The following CCDC15 variants were observed in gnomAD, a reference collection of about 807,000 sequenced individuals.
CCDC15 encodes the protein coiled-coil domain-containing protein 15.
Under a neutral mutation model 114.5 loss-of-function variants are expected in CCDC15, and 105 were observed. The ratio of observed to expected loss-of-function variants is 0.92; its 90% CI spans 0.78 to 1.08. The LOEUF is 1.08. CCDC15 is among the 50% of genes least tolerant of loss of function. The probability of loss-of-function intolerance (pLI) is 0.00; values close to 1 mark genes in which losing one functional copy is unlikely to be tolerated. For synonymous variants in CCDC15, 334 were observed against 377.8 expected, an observed-to-expected ratio of 0.88 and a Z score of 1.34; for missense variants, 1,105 against 1,093.6, an observed-to-expected ratio of 1.01 and a Z score of -0.15.
At chr11:125,036,387 TA>T (rs1174915977) in intron 13 of CCDC15, among the ~76,000 whole-genome samples, 8 of 38,936 alleles carry the variant, frequency 2.1e-4, no homozygotes, top group African/African-American at 6.1e-4. Context: ...TTTCTTTTCC[TA>T]CTTTTAGAAT....
rs199841007 is a variant in CCDC15, at chr11:124,987,974, A to G, written c.1748A>G (p.Gln583Arg). The change falls in exon 8 of 16, where the codon CAG becomes CGG. Residue 583 changes from glutamine to arginine, a missense_variant. Physicochemically the swap from Gln to Arg is conservative, Grantham distance 43. Transcript: ENST00000344762. Reference sequence around the variant, plus strand: ...AATATTCTACCCATATGTCAGGACCAGGATTTTCTACCCAGAGACCAAGGT... The same window carrying G: ...AATATTCTACCCATATGTCAGGACCGGGATTTTCTACCCAGAGACCAAGGT... The part of the protein sequence containing the change: ...DQNILPICQD[Q>R]DFLPRDQGYL... The G allele has an allele frequency of 4.3e-5, 69 of 1,613,930 alleles. No individual in the cohort carries two copies. In the African/African-American group the frequency reaches 8.5e-4, roughly 20 times the overall value.
At chr11:124,976,483 CT>C (rs1947975545) in intron 5 of CCDC15, among the ~76,000 whole-genome samples, 1 of 151,972 alleles carries the variant, frequency 6.6e-6, no homozygotes, top group Non-Finnish European at 1.5e-5. Flanking sequence ...CTCAGAGTTT[CT>C]TTTGTACCTA....
At chr11:125,000,535 A>C (rs1948462245) in intron 11 of CCDC15, among the ~76,000 whole-genome samples, 1 of 152,190 alleles carries the variant, frequency 6.6e-6, no homozygotes, top group Admixed American at 6.5e-5. Flanking sequence ...AGAGCAAGAG[A>C]GAGAGCCCAT....
At chr11:124,982,887 C>T (rs893515671) in intron 6 of CCDC15, among the ~76,000 whole-genome samples, 7 of 152,196 alleles carry the variant, frequency 4.6e-5, no homozygotes, top group Non-Finnish European at 8.8e-5. Flanking sequence ...ATATGAAATA[C>T]ATTTTGCAAG....
At chr11:124,997,914 C>G (rs1948403399) in intron 11 of CCDC15, among the ~76,000 whole-genome samples, 1 of 152,110 alleles carries the variant, frequency 6.6e-6, no homozygotes, top group Non-Finnish European at 1.5e-5. Flanking sequence ...TACACTCCAG[C>G]CTGGGTGACA....
rs751598331 is a variant in CCDC15, at chr11:125,005,099, T to C, written c.2308-10T>C. 1.2e-5 allele frequency: 16 copies of C among 1,310,746 alleles called. No homozygotes were observed. In the South Asian group the frequency reaches 2.1e-4, roughly 17 times the overall value. 81.2% of individuals were successfully genotyped at this position (1,310,746 alleles called of 1,614,324 possible). On this transcript the variant is annotated splice_polypyrimidine_tract_variant and intron_variant, in intron 12 of 15. Coordinates refer to ENST00000344762, the MANE Select transcript of CCDC15 (RefSeq NM_025004.3). ...GCAGAATCTTAGTAATTTTAACTTCTTACCTTTAGCGTCAAAAGCAGTACC... is the reference window on the plus strand; with the variant it reads ...GCAGAATCTTAGTAATTTTAACTTCCTACCTTTAGCGTCAAAAGCAGTACC...
chr11:124,960,228 A>C (rs1947636377), intron 4 of CCDC15, among the ~76,000 whole-genome samples: 1 of 150,954 alleles, frequency 6.6e-6, no homozygotes, highest in Non-Finnish European at 1.5e-5. Context: ...TTGGTAAGAT[A>C]CTCTAAAATT....
intron 4 of CCDC15, among the ~76,000 whole-genome samples, chr11:124,962,188 G>A (rs139200546): frequency 1.6e-4 from 24 of 152,226 alleles, no homozygotes; most frequent in Non-Finnish European, 2.9e-4. Context: ...AGATGTCACC[G>A]TGAAACTAGA....
chr11:124,965,069 C>T lies in CCDC15; in HGVS notation c.516+5066C>T, dbSNP rs573229502. On this transcript the variant is annotated intron_variant, in intron 4 of 15. Coordinates refer to ENST00000344762, the MANE Select transcript of CCDC15 (RefSeq NM_025004.3). ...AGTATTTTATTGAAGATTTTTGCAT[C>T]GATGTTCATCAGGGATATTGGTCTA... is the stretch of plus-strand genomic sequence containing the variant. 8.6e-5 allele frequency among the ~76,000 whole-genome samples: 13 copies of T among 152,008 alleles called. 1 individual carries two copies. In the South Asian group the frequency reaches 2.3e-3, roughly 27 times the overall value.
At chr11:124,954,467 C>A (rs139328716) in intron 1 of CCDC15, 97 bp downstream of exon 1, 15 of 319,924 alleles carry the variant, frequency 4.7e-5, no homozygotes, top group African/African-American at 3.2e-4. Flanking sequence ...TTCTCTCATT[C>A]CCATCCTTTC....
chr11:124,987,129 AG>A lies in CCDC15; in HGVS notation c.904del (p.Val302Ter). On this transcript the variant is annotated frameshift_variant, in exon 8 of 16. Transcript: ENST00000344762. LOFTEE classifies it high-confidence loss of function. The stretch of plus-strand genomic sequence containing the variant: ...TTGGTGTTTATGTTCACTTTTAGAA[AG>A]TAAAATTCAAAAATCCATTATTTGT... ...KNKPFSRVQKVKFKNPLFVLM... is the reference protein window; with the variant it reads ...KNKPFSRVQKXKFKNPLFVLM... The A allele has an allele frequency of 6.6e-7, 1 of 1,505,926 alleles. No homozygotes were observed. The highest frequency in any genetic ancestry group is 1.8e-4 in the Middle Eastern group (1 of 5,578). 93.3% of individuals were successfully genotyped at this position (1,505,926 alleles called of 1,614,324 possible).
At chr11:125,031,807 G>A (rs1235858368) in intron 13 of CCDC15, among the ~76,000 whole-genome samples, 1 of 152,198 alleles carries the variant, frequency 6.6e-6, no homozygotes, top group African/African-American at 2.4e-5. Flanking sequence ...CTGTTGTAGA[G>A]CCTTCTCCTG....
At position 124,965,755 on chromosome 11, in the gene CCDC15, C is replaced by T. The variant is rs1422554491; in HGVS notation, c.516+5752C>T. The stretch of plus-strand genomic sequence containing the variant: ...GTTAGGGTGACGATTTTAGATCTTT[C>T]CTGCTTTTTCTTGTGGGCATTTAGT... On this transcript the variant is annotated intron_variant, in intron 4 of 15. Coordinates refer to ENST00000344762, the MANE Select transcript of CCDC15 (RefSeq NM_025004.3). Among the ~76,000 whole-genome samples the T allele has an allele frequency of 2.0e-5, 3 of 152,156 alleles. No individual in the cohort carries two copies. The East Asian group carries it at 5.8e-4, about 29-fold the overall frequency.
intron 4 of CCDC15, among the ~76,000 whole-genome samples, chr11:124,962,824 G>GGT (rs968243780): frequency 2.0e-5 from 3 of 152,176 alleles, no homozygotes; most frequent in African/African-American, 7.2e-5. Context: ...GACAGGCCCT[G>GGT]GTGTGTGATG....
At chr11:124,968,106 G>A (rs913657887) in intron 4 of CCDC15, among the ~76,000 whole-genome samples, 3 of 152,162 alleles carry the variant, frequency 2.0e-5, no homozygotes, top group Admixed American at 2.0e-4. Flanking sequence ...GCTACAGGAG[G>A]GTCAGGAACC....
intron 11 of CCDC15, among the ~76,000 whole-genome samples, chr11:124,996,689 T>C (rs1948377069): frequency 6.6e-6 from 1 of 152,188 alleles, no homozygotes; most frequent in South Asian, 2.1e-4. Context: ...ATATACCCGT[T>C]AAACAGTAAT....
At position 125,039,044 on chromosome 11, in the gene CCDC15, C is replaced by T; in HGVS notation, c.2709C>T (p.Asn903=). 5 of 1,601,142 alleles carry T rather than the reference C, an allele frequency of 3.1e-6. No individual in the cohort carries two copies. Among genetic ancestry groups the T allele is most frequent in the Non-Finnish European group, 4.3e-6 (5 of 1,172,000 alleles). The change falls in exon 15 of 16, where the codon AAC becomes AAT. Residue 903 remains asparagine (N), a synonymous_variant. Coordinates refer to ENST00000344762, the MANE Select transcript of CCDC15 (RefSeq NM_025004.3). ...WDAHPDTCAN[N]CIFYKNHRAY... is the part of the protein sequence containing the mutation. ...CTCATCCTGATACCTGTGCCAACAACTGTATTTTCTATAAAAACCACAGAG... is the reference window on the plus strand; with the variant it reads ...CTCATCCTGATACCTGTGCCAACAATTGTATTTTCTATAAAAACCACAGAG...
intron 6 of CCDC15, among the ~76,000 whole-genome samples, chr11:124,984,565 C>T (rs1948126505): frequency 6.6e-6 from 1 of 152,140 alleles, no homozygotes; most frequent in Non-Finnish European, 1.5e-5. Flanking sequence ...ACAGATACTC[C>T]TTTACCAAAC....
intron 13 of CCDC15, among the ~76,000 whole-genome samples, chr11:125,012,262 T>C (rs973035181): frequency 2.6e-5 from 4 of 152,246 alleles, no homozygotes; most frequent in Middle Eastern, 3.4e-3. Flanking sequence ...TGGGAAGAGA[T>C]ATGGTCAGAG....
Sources: allele counts gnomAD v4.1 joint callset (sites outside exome capture counted in the v4.1 genomes callset), GRCh38; gene constraint gnomAD v4.1.1; transcripts MANE v1.5; gene names NCBI Gene and HGNC (gene_info 2026-07-23, HGNC 2026-07-21).